Variants in DCUN1D1 observed in about 807,000 individuals in gnomAD.
DCUN1D1 encodes DCN1-like protein 1.
A neutral mutation model predicts 39.0 loss-of-function variants in DCUN1D1; 3 were observed. That is an observed-to-expected ratio of 0.08 (90% CI 0.04 to 0.20). The LOEUF (loss-of-function observed/expected upper bound fraction) is 0.20, where lower values mean the gene tolerates loss of function less well. DCUN1D1 is among the 10% of genes least tolerant of loss of function. DCUN1D1 has a pLI of 1.00. For missense variants in DCUN1D1, 158 were observed against 302.4 expected, an observed-to-expected ratio of 0.52 and a Z score of 3.54; for synonymous variants, 82 against 96.3, an observed-to-expected ratio of 0.85 and a Z score of 0.87.
chr3:182,969,082 T>C (rs544676297), intron 1 of DCUN1D1, among the ~76,000 whole-genome samples: 9 of 152,316 alleles, frequency 5.9e-5, no homozygotes, highest in Admixed American at 2.0e-4. Context: ...ATCCCATTCC[T>C]ATAAAGTCTG....
At chr3:182,984,026 C>T (rs941451689), upstream of DCUN1D1, among the ~76,000 whole-genome samples, 1 of 152,224 alleles carries the variant, frequency 6.6e-6, no homozygotes, top group African/African-American at 2.4e-5. Flanking sequence ...CCTGGTTGCA[C>T]AATTCTTTGA....
intron 4 of DCUN1D1, chr3:182,956,193 C>T (rs1727053166): frequency 4.2e-6 from 1 of 238,916 alleles, no homozygotes; most frequent in Admixed American, 3.9e-5. Flanking sequence ...CTCCAAAGTG[C>T]TAGGATTATA....
chr3:182,974,301 A>G (rs1728098248), intron 1 of DCUN1D1, among the ~76,000 whole-genome samples: 1 of 152,194 alleles, frequency 6.6e-6, no homozygotes, highest in Admixed American at 6.5e-5. Context: ...TGATTATGAT[A>G]AATAAAAAAT....
intron 4 of DCUN1D1, among the ~76,000 whole-genome samples, chr3:182,952,505 A>C (rs1230960732): frequency 1.3e-5 from 2 of 152,148 alleles, no homozygotes; most frequent in African/African-American, 4.8e-5. Flanking sequence ...ATCCACGAAC[A>C]ACTTCAACTC....
At chr3:182,984,434 T>C (rs1335173009), upstream of DCUN1D1, among the ~76,000 whole-genome samples, 1 of 152,204 alleles carries the variant, frequency 6.6e-6, no homozygotes, top group African/African-American at 2.4e-5. Flanking sequence ...TATTACTTTT[T>C]TTGTCATGTT....
At chr3:182,955,185 C>T (rs757574399) in intron 4 of DCUN1D1, among the ~76,000 whole-genome samples, 3 of 152,100 alleles carry the variant, frequency 2.0e-5, no homozygotes, top group Non-Finnish European at 4.4e-5. Context: ...GGATTACAGG[C>T]ATGCGCCACC....
intron 6 of DCUN1D1, 92 bp downstream of exon 6, chr3:182,947,146 A>T (rs1726452126): frequency 6.0e-6 from 4 of 669,132 alleles, no homozygotes; most frequent in Non-Finnish European, 7.5e-6. Context: ...GGGAATTCCA[A>T]CTCCGAGAAA....
chr3:182,983,989 C>A (rs1043790317), upstream of DCUN1D1, among the ~76,000 whole-genome samples: 6 of 152,226 alleles, frequency 3.9e-5, no homozygotes, highest in Non-Finnish European at 8.8e-5. Flanking sequence ...ATCTCCCCTG[C>A]CAGACTGCAC....
At position 182,965,522 on chromosome 3, in the gene DCUN1D1, C is replaced by T. The variant is rs1221224324; in HGVS notation, c.220+15G>A. 2.6e-6 allele frequency: 4 copies of T among 1,567,086 alleles called. No homozygotes were observed. The highest frequency in any genetic ancestry group is 3.5e-6 in the Non-Finnish European group (4 of 1,148,002). Reference sequence around the variant, plus strand: ...CTGGTCCAAAATTTACTTAAAGTCACAAGCAAGCACTCACCTTTGTATCTA... The same window carrying T: ...CTGGTCCAAAATTTACTTAAAGTCATAAGCAAGCACTCACCTTTGTATCTA... On this transcript the variant is annotated intron_variant, in intron 2 of 6. Coordinates refer to ENST00000292782, the MANE Select transcript of DCUN1D1 (RefSeq NM_020640.4).
chr3:182,978,627 G>A (rs956465394), intron 1 of DCUN1D1, among the ~76,000 whole-genome samples: 3 of 152,146 alleles, frequency 2.0e-5, no homozygotes, highest in African/African-American at 2.4e-5. Context: ...CTCCTGCTTC[G>A]GTGACCCAGG....
chr3:182,956,534 A>G (rs1173868476), intron 4 of DCUN1D1, among the ~76,000 whole-genome samples: 2 of 152,224 alleles, frequency 1.3e-5, no homozygotes, highest in Non-Finnish European at 2.9e-5. Context: ...CCTCATCTAT[A>G]TGATGGAGAA....
chr3:182,982,766 CA>C (rs1341768179), upstream of DCUN1D1, among the ~76,000 whole-genome samples: 1 of 152,108 alleles, frequency 6.6e-6, no homozygotes, highest in African/African-American at 2.4e-5. Flanking sequence ...TCTCAGCCCC[CA>C]CCGAGTAGCT....
At chr3:182,976,615 A>G (rs1728254445) in intron 1 of DCUN1D1, among the ~76,000 whole-genome samples, 1 of 152,076 alleles carries the variant, frequency 6.6e-6, no homozygotes, top group South Asian at 2.1e-4. Context: ...CCCTACTTCC[A>G]TCAATGCCCT....
At chr3:182,958,403 T>C (rs975340808) in intron 4 of DCUN1D1, among the ~76,000 whole-genome samples, 1 of 152,188 alleles carries the variant, frequency 6.6e-6, no homozygotes, top group Non-Finnish European at 1.5e-5. Flanking sequence ...GTATATTTTT[T>C]ATAACTGATG....
At chr3:182,985,285 A>G (rs1728690256), upstream of DCUN1D1, among the ~76,000 whole-genome samples, 1 of 152,198 alleles carries the variant, frequency 6.6e-6, no homozygotes, top group African/African-American at 2.4e-5. Flanking sequence ...CCCCAGTGTT[A>G]CTGGTGATAC....
chr3:182,941,727 A>G lies in DCUN1D1; in HGVS notation c.*3367T>C, dbSNP rs147215796. ...TATACACAATTTAACATTTAAAACT[A>G]CATAAATTAATTCTTGCTAAAAGTT... is the stretch of plus-strand genomic sequence containing the variant. On this transcript the variant is annotated 3_prime_UTR_variant, in exon 7 of 7. Transcript: ENST00000292782. The G allele has an allele frequency of 1.3e-5, 2 of 152,268 alleles. No homozygotes were observed. The highest frequency in any genetic ancestry group is 3.9e-4 in the East Asian group (2 of 5,188). The allele number at this position is 152,268 out of a possible 1,614,324, so 9.4% of individuals were successfully genotyped here. A position where few individuals can be genotyped will look rare whatever the true frequency, so the allele number is the denominator to read the frequency against.
rs1560153244 is a variant in DCUN1D1, at chr3:182,938,648, A to G, written c.*6446T>C. The G allele has an allele frequency of 6.6e-6, 1 of 152,190 alleles. No individual in the cohort carries two copies. Among genetic ancestry groups the G allele is most frequent in the East Asian group, 1.9e-4 (1 of 5,204 alleles). The allele number at this position is 152,190 out of a possible 1,614,324, so 9.4% of individuals were successfully genotyped here. A position where few individuals can be genotyped will look rare whatever the true frequency, so the allele number is the denominator to read the frequency against. On this transcript the variant is annotated 3_prime_UTR_variant, in exon 7 of 7. Transcript: ENST00000292782. The stretch of plus-strand genomic sequence containing the variant: ...TTGTCCTTTTACATATACCTGACAT[A>G]CGCCATTAATTTTTTAAAAAGCACT...
At chr3:182,962,275 C>T (rs1229839950) in intron 3 of DCUN1D1, among the ~76,000 whole-genome samples, 2 of 152,208 alleles carry the variant, frequency 1.3e-5, no homozygotes, top group African/African-American at 2.4e-5. Flanking sequence ...TAATTTACTG[C>T]CTCTCAGCTT....
rs1400923213 is a variant in DCUN1D1, at chr3:182,939,331, A to C, written c.*5763T>G. ...TTTTAAAAACGTTAGGTATAAATTT[A>C]CCACACAACCTGACAATTCCACAAC... On this transcript the variant is annotated 3_prime_UTR_variant, in exon 7 of 7. Transcript: ENST00000292782. 1 of 152,186 alleles carries C rather than the reference A, an allele frequency of 6.6e-6. No homozygotes were observed. The highest frequency in any genetic ancestry group is 1.5e-5 in the Non-Finnish European group (1 of 68,036). 9.4% of individuals were successfully genotyped at this position (152,186 alleles called of 1,614,324 possible). A position where few individuals can be genotyped will look rare whatever the true frequency, so the allele number is the denominator to read the frequency against.
Sources: gnomAD v4.1 joint callset for allele counts (sites outside exome capture counted in the v4.1 genomes callset) on GRCh38, gnomAD v4.1.1 for gene constraint, MANE v1.5 for transcripts, NCBI Gene and HGNC (gene_info 2026-07-23, HGNC 2026-07-21) for gene names.